Variants in MYO3B observed in about 807,000 individuals in gnomAD.
The protein encoded by MYO3B is myosin IIIB, also known as myosin-IIIb.
In MYO3B, 156 loss-of-function variants were observed where a neutral mutation model predicts 174.6. That is an observed-to-expected ratio of 0.89 (90% CI 0.78 to 1.02). MYO3B has a LOEUF of 1.02. MYO3B is among the 50% of genes least tolerant of loss of function. MYO3B has a pLI of 0.00. For missense variants in MYO3B, 1,632 were observed against 1,639.4 expected (o/e 1.00, Z 0.08); for synonymous variants, 563 against 569.1 (o/e 0.99, Z 0.15).
intron 7 of MYO3B, among the ~76,000 whole-genome samples, chr2:170,289,651 A>G (rs1319157269): frequency 6.6e-6 from 1 of 151,998 alleles, no homozygotes; most frequent in African/African-American, 2.4e-5. Flanking sequence ...TTCAAAAACA[A>G]ACTTTTCATT....
At chr2:170,335,491 C>G (rs535620544) in intron 8 of MYO3B, 41 bp downstream of exon 8, 3 of 1,476,556 alleles carry the variant, frequency 2.0e-6, no homozygotes, top group South Asian at 2.4e-5. Context: ...TCTAGCAAGG[C>G]CTTGAGCAGT....
Position 170,318,833 on chromosome 2 carries a change from ATG to A in MYO3B, c.750-16548_750-16547del, listed in dbSNP as rs1002055007. Among the ~76,000 whole-genome samples the A allele has an allele frequency of 1.8e-3, 86 of 46,854 alleles. 2 individuals carry two copies. In the East Asian group the frequency reaches 0.1, roughly 56 times the overall value. The allele number at this position is 46,854 out of a possible 152,430, so 30.7% of individuals were successfully genotyped here. The stretch of plus-strand genomic sequence containing the variant: ...AGATGAGGCCAAAAAAATCTGTGTC[ATG>A]TGTCGAAATCTCACCAAGTGAGCTT... On this transcript the variant is annotated intron_variant, in intron 7 of 34. Transcript: ENST00000408978.
intron 7 of MYO3B, among the ~76,000 whole-genome samples, chr2:170,321,643 G>C (rs1013013131): frequency 6.6e-6 from 1 of 152,184 alleles, no homozygotes; most frequent in Non-Finnish European, 1.5e-5. Flanking sequence ...AGTGAAGTGA[G>C]AGAGATTACA....
Position 170,546,799 on chromosome 2 carries a change from A to G in MYO3B, c.3733+2811A>G, listed in dbSNP as rs72625214. Among the ~76,000 whole-genome samples the G allele has an allele frequency of 0.023, 3,567 of 152,266 alleles. 524 individuals carry two copies. In the East Asian group the frequency reaches 0.44, roughly 19 times the overall value. On this transcript the variant is annotated intron_variant, in intron 32 of 34. Coordinates refer to ENST00000408978, the MANE Select transcript of MYO3B (RefSeq NM_138995.5). ...AACCCATGTTTTTGTGGAAGGCTGAATGAGAACATTGTGACCTTTTCAGTT... is the reference window on the plus strand; with the variant it reads ...AACCCATGTTTTTGTGGAAGGCTGAGTGAGAACATTGTGACCTTTTCAGTT...
At chr2:170,582,174 T>C (rs891009900) in intron 32 of MYO3B, among the ~76,000 whole-genome samples, 8 of 152,220 alleles carry the variant, frequency 5.3e-5, no homozygotes, top group African/African-American at 1.9e-4. Context: ...CAGATTAAAG[T>C]TCATGATGGC....
rs10718469 is a variant in MYO3B, at chr2:170,307,242, CAAA to C, written c.750-28119_750-28117del. Among the ~76,000 whole-genome samples, 133 of 57,674 alleles carry C rather than the reference CAAA, an allele frequency of 2.3e-3. 1 individual carries two copies. Among genetic ancestry groups the C allele is most frequent in the Middle Eastern group, 0.012 (1 of 84 alleles). 37.8% of individuals were successfully genotyped at this position (57,674 alleles called of 152,430 possible). ...TAGGTGACAGAGTGAGGCCTTATCT[CAAA>C]AAAAAAAAAAAAAAAAAAAAAAAGT... On this transcript the variant is annotated intron_variant, in intron 7 of 34. Transcript: ENST00000408978.
intron 16 of MYO3B, among the ~76,000 whole-genome samples, chr2:170,398,984 G>A (rs984119982): frequency 5.9e-5 from 9 of 152,122 alleles, no homozygotes; most frequent in South Asian, 2.1e-4. Flanking sequence ...GGTGGCTCAC[G>A]CCTGGAATCC....
chr2:170,643,081 T>C (rs930683966), intron 32 of MYO3B, among the ~76,000 whole-genome samples: 1 of 152,066 alleles, frequency 6.6e-6, no homozygotes, highest in South Asian at 2.1e-4. Context: ...GCATTAGTAT[T>C]TTAAAAGTTG....
At chr2:170,267,355 T>C (rs1401278) in intron 7 of MYO3B, among the ~76,000 whole-genome samples, 143,731 of 152,314 alleles carry the variant, frequency 0.94, 68,037 homozygotes, top group East Asian at 0.98. Flanking sequence ...CACATTCCAT[T>C]GGCCAATACT....
At chr2:170,248,415 A>G (rs1375964931) in intron 7 of MYO3B, among the ~76,000 whole-genome samples, 1 of 152,208 alleles carries the variant, frequency 6.6e-6, no homozygotes, top group East Asian at 1.9e-4. Context: ...TAGTTTTAAG[A>G]AACTGCAGTA....
intron 23 of MYO3B, among the ~76,000 whole-genome samples, chr2:170,451,343 A>G (rs1683584138): frequency 1.3e-5 from 2 of 152,378 alleles, no homozygotes; most frequent in South Asian, 4.1e-4. Context: ...GGTAGGCGGC[A>G]TGGCTTACGC....
In MYO3B at chr2:170,514,943, TG is replaced by T. The variant is rs1417827897; in HGVS notation, c.3396del (p.Pro1133HisfsTer103). On this transcript the variant is annotated frameshift_variant, in exon 29 of 35. Coordinates refer to ENST00000408978, the MANE Select transcript of MYO3B (RefSeq NM_138995.5). LOFTEE classifies it high-confidence loss of function. ...QAGDTSNQSS[G>X]PHSPVAAGTR... ...CAGGGGACACTTCAAACCAAAGCAG[TG>T]GGCCACATTCCCCCGTCGCAGCAGG... 6.2e-7 allele frequency: 1 copy of T among 1,613,990 alleles called. No homozygotes were observed. The highest frequency in any genetic ancestry group is 1.1e-5 in the South Asian group (1 of 91,016).
chr2:170,457,382 T>C (rs1010186745), intron 23 of MYO3B, among the ~76,000 whole-genome samples: 5 of 152,306 alleles, frequency 3.3e-5, no homozygotes, highest in Middle Eastern at 3.4e-3. Flanking sequence ...CTTTTTTTTT[T>C]GTAATAACAC....
intron 32 of MYO3B, among the ~76,000 whole-genome samples, chr2:170,626,587 A>G (rs1696454303): frequency 6.6e-6 from 1 of 152,210 alleles, no homozygotes; most frequent in South Asian, 2.1e-4. Context: ...TGATCCTGTC[A>G]TTATGATGTT....
chr2:170,463,415 G>T lies in MYO3B; in HGVS notation c.2778G>T (p.Met926Ile), dbSNP rs770930675. The change falls in exon 24 of 35, where the codon ATG (methionine) becomes ATT (isoleucine). Residue 926 changes from methionine (M) to isoleucine (I), a missense_variant. Met to Ile is a conservative substitution (Grantham distance 10). Coordinates refer to ENST00000408978, the MANE Select transcript of MYO3B (RefSeq NM_138995.5). ...GGCATCCGGAAGAAACCACCAACAT[G>T]AAGAGGCAAACTGTGGCTTCTTACT... The part of the protein sequence containing the change: ...VIRHPEETTN[M>I]KRQTVASYFR... 3.1e-6 allele frequency: 5 copies of T among 1,614,138 alleles called. No homozygotes were observed. In the East Asian group the frequency reaches 8.9e-5, roughly 29 times the overall value.
intron 32 of MYO3B, among the ~76,000 whole-genome samples, chr2:170,580,718 A>ATATATATGTGTGTG (rs768974458): frequency 0.023 from 3,317 of 142,718 alleles, 58 homozygotes; most frequent in Non-Finnish European, 0.031. Flanking sequence ...AACCTTATAT[A>ATATATATGTGTGTG]TGTGTGTGTG....
At chr2:170,527,336 G>C (rs942654282) in intron 30 of MYO3B, among the ~76,000 whole-genome samples, 13 of 152,176 alleles carry the variant, frequency 8.5e-5, no homozygotes, top group African/African-American at 2.9e-4. Flanking sequence ...TGTTCTATAG[G>C]TCAAAAGATG....
intron 32 of MYO3B, among the ~76,000 whole-genome samples, chr2:170,580,716 A>ATGTGTG (rs1220621272): frequency 9.2e-4 from 69 of 74,618 alleles, no homozygotes; most frequent in Admixed American, 4.1e-3. Flanking sequence ...AAAACCTTAT[A>ATGTGTG]TATGTGTGTG....
At chr2:170,496,516 G>GA (rs1488978696) in intron 25 of MYO3B, among the ~76,000 whole-genome samples, 4 of 150,680 alleles carry the variant, frequency 2.7e-5, no homozygotes, top group Non-Finnish European at 4.4e-5. Flanking sequence ...AAAGAGCAGA[G>GA]AAAAAAATGC....
Sources: gnomAD v4.1 joint callset for allele counts (sites outside exome capture counted in the v4.1 genomes callset) on GRCh38, gnomAD v4.1.1 for gene constraint, MANE v1.5 for transcripts, NCBI Gene and HGNC (gene_info 2026-07-23, HGNC 2026-07-21) for gene names.